Variants in LRRC20 observed in about 807,000 individuals in gnomAD.
LRRC20 encodes leucine rich repeat containing 20, also known as leucine-rich repeat-containing protein 20.
LRRC20 carries 11 observed loss-of-function variants against 14.4 expected under a neutral mutation model. The ratio of observed to expected loss-of-function variants is 0.77; its 90% CI spans 0.48 to 1.27. LRRC20 has a LOEUF of 1.27. LRRC20 is among the 50% of genes most tolerant of loss of function. The pLI is 0.00. For missense variants in LRRC20, 219 were observed against 251.2 expected (o/e 0.87, Z 0.87); for synonymous variants, 121 against 107.3 (o/e 1.13, Z -0.79).
At chr10:70,309,915 C>A (rs1397047634) in intron 4 of LRRC20, among the ~76,000 whole-genome samples, 2 of 152,358 alleles carry the variant, frequency 1.3e-5, no homozygotes, top group East Asian at 3.9e-4. Flanking sequence ...CTAGTGGGAG[C>A]GGCACTGCCG....
intron 2 of LRRC20, among the ~76,000 whole-genome samples, chr10:70,369,258 G>A (rs1382070877): frequency 6.6e-6 from 1 of 152,174 alleles, no homozygotes; most frequent in Non-Finnish European, 1.5e-5. Context: ...GCCTCGCTTA[G>A]TTCTCTCAGC....
chr10:70,302,011 A>T (rs12253314), intron 4 of LRRC20, among the ~76,000 whole-genome samples: 46,305 of 151,922 alleles, frequency 0.3, 7,492 homozygotes, highest in East Asian at 0.49. Context: ...AACATGAATG[A>T]ACCTTGAAAA....
chr10:70,369,387 C>T (rs1844170973), intron 2 of LRRC20, among the ~76,000 whole-genome samples: 1 of 152,142 alleles, frequency 6.6e-6, no homozygotes, highest in Admixed American at 6.5e-5. Flanking sequence ...GCTGTGTCAC[C>T]AGCAGGTCAC....
intron 2 of LRRC20, among the ~76,000 whole-genome samples, chr10:70,363,968 GGT>G (rs910657190): frequency 2.0e-5 from 3 of 152,198 alleles, no homozygotes; most frequent in African/African-American, 7.2e-5. Context: ...TCTCCTCCCT[GGT>G]AAACTCCCAC....
At position 70,348,339 on chromosome 10, in the gene LRRC20, C is replaced by T. The variant is rs545370930; in HGVS notation, c.83-7637G>A. Among the ~76,000 whole-genome samples the T allele has an allele frequency of 2.6e-5, 4 of 152,290 alleles. No homozygotes were observed. In the South Asian group the frequency reaches 6.2e-4, roughly 24 times the overall value. The stretch of plus-strand genomic sequence containing the variant: ...ATCTCCAGAACAGTTCTCCATGGTC[C>T]CGGGACAAGAAAATGGAGATCCAGG... On this transcript the variant is annotated intron_variant, in intron 2 of 4. Coordinates refer to ENST00000446961, the MANE Select transcript of LRRC20 (RefSeq NM_001278212.2).
chr10:70,368,544 G>A (rs1564645674), intron 2 of LRRC20, among the ~76,000 whole-genome samples: 1 of 151,300 alleles, frequency 6.6e-6, no homozygotes, highest in Non-Finnish European at 1.5e-5. Flanking sequence ...CCCACCACAA[G>A]GATTACAGGC....
chr10:70,303,228 C>A (rs1336341700), intron 4 of LRRC20, among the ~76,000 whole-genome samples: 4 of 152,082 alleles, frequency 2.6e-5, no homozygotes, highest in African/African-American at 9.7e-5. Context: ...ATACAGTGGC[C>A]TATGGAAATT....
Position 70,324,027 on chromosome 10 carries a change from A to C in LRRC20, c.236T>G (p.Leu79Arg), listed in dbSNP as rs1842211649. 6.2e-7 allele frequency: 1 copy of C among 1,613,674 alleles called. No individual in the cohort carries two copies. Among genetic ancestry groups the C allele is most frequent in the African/African-American group, 1.3e-5 (1 of 74,888 alleles). ...FMTTFSQLRE[L>R]HLEGNFLHRL... is the part of the protein sequence containing the mutation. ...GTGTAGGAAGTTCCCCTCCAGGTGG[A>C]GCTCTGCCACGTGCAGGGAAGGAGA... The change falls in exon 4 of 5, where the codon CTC (leucine) becomes CGC (arginine). Residue 79 changes from leucine to arginine, a missense_variant. Physicochemically the swap from Leu to Arg is moderately radical, Grantham distance 102 (BLOSUM62 -2). Coordinates refer to ENST00000446961, the MANE Select transcript of LRRC20 (RefSeq NM_001278212.2).
intron 2 of LRRC20, among the ~76,000 whole-genome samples, chr10:70,371,067 T>C (rs1844246521): frequency 6.6e-6 from 1 of 151,306 alleles, no homozygotes; most frequent in South Asian, 2.1e-4. Flanking sequence ...AGAAATAAGA[T>C]TATTCCCTTA....
Position 70,340,562 on chromosome 10 carries a change from G to T in LRRC20, c.223C>A (p.Gln75Lys). Reference protein sequence around the residue: ...LTSKFMTTFSQLRELHLEGNF... With the variant: ...LTSKFMTTFSKLRELHLEGNF... ...GCTGACCAGGGCCTACCTCGGAGCT[G>T]ACTGAATGTGGTCATGAACTTGCTG... Residue 75 changes from glutamine to lysine, a missense_variant, in exon 3 of 5, where the codon CAG becomes AAG. Gln to Lys is a moderately conservative substitution (Grantham distance 53). Transcript: ENST00000446961. 1 of 1,614,168 alleles carries T rather than the reference G, an allele frequency of 6.2e-7. No individual in the cohort carries two copies. Among genetic ancestry groups the T allele is most frequent in the South Asian group, 1.1e-5 (1 of 91,064 alleles).
chr10:70,302,268 G>A (rs1455975176), intron 4 of LRRC20, among the ~76,000 whole-genome samples: 4 of 152,036 alleles, frequency 2.6e-5, no homozygotes, highest in Admixed American at 6.6e-5. Context: ...AGGGGAAATC[G>A]CACCACTGCA....
chr10:70,307,395 C>A (rs544519982), intron 4 of LRRC20, among the ~76,000 whole-genome samples: 2 of 152,342 alleles, frequency 1.3e-5, no homozygotes, highest in South Asian at 4.1e-4. Context: ...TGTGTATATA[C>A]CTCCACTAAC....
chr10:70,375,616 T>C (rs1198728261), intron 2 of LRRC20, among the ~76,000 whole-genome samples: 1 of 152,118 alleles, frequency 6.6e-6, no homozygotes, highest in African/African-American at 2.4e-5. Flanking sequence ...GAAATTCCTC[T>C]CCATGTACCT....
At chr10:70,356,261 A>G (rs1349764326) in intron 2 of LRRC20, among the ~76,000 whole-genome samples, 4 of 152,134 alleles carry the variant, frequency 2.6e-5, no homozygotes, top group African/African-American at 9.7e-5. Flanking sequence ...CCCGTAACCC[A>G]AGCACTTTGG....
chr10:70,357,700 C>T (rs1843581327), intron 2 of LRRC20, among the ~76,000 whole-genome samples: 1 of 152,122 alleles, frequency 6.6e-6, no homozygotes, highest in African/African-American at 2.4e-5. Context: ...GAAAAGAAGC[C>T]CATATTCAAT....
rs1189926034 is a variant in LRRC20, at chr10:70,337,955, C to T, written c.232+2598G>A. Among the ~76,000 whole-genome samples, 4 of 152,062 alleles carry T rather than the reference C, an allele frequency of 2.6e-5. No homozygotes were observed. The East Asian group carries it at 7.7e-4, about 29-fold the overall frequency. ...GTGCCCTTTCTGAGGGCCCGGACAGCCCCACCCTCCATTTTCAATCATTCT... is the reference window on the plus strand; with the variant it reads ...GTGCCCTTTCTGAGGGCCCGGACAGTCCCACCCTCCATTTTCAATCATTCT... On this transcript the variant is annotated intron_variant, in intron 3 of 4. Coordinates refer to ENST00000446961, the MANE Select transcript of LRRC20 (RefSeq NM_001278212.2).
intron 2 of LRRC20, among the ~76,000 whole-genome samples, chr10:70,354,166 GTC>G (rs1198205954): frequency 7.2e-5 from 11 of 152,140 alleles, no homozygotes. Flanking sequence ...TGATGCCTAA[GTC>G]TCTCTCCCAG....
At position 70,307,459 on chromosome 10, in the gene LRRC20, A is replaced by C. The variant is rs116883101; in HGVS notation, c.401-5951T>G. Among the ~76,000 whole-genome samples, 56 of 152,316 alleles carry C rather than the reference A, an allele frequency of 3.7e-4. No individual in the cohort carries two copies. The East Asian group carries it at 0.011, about 29-fold the overall frequency. On this transcript the variant is annotated intron_variant, in intron 4 of 4. Coordinates refer to ENST00000446961, the MANE Select transcript of LRRC20 (RefSeq NM_001278212.2). ...CAGGAGCTTCCTATCCTGCACCCCC[A>C]ACAAAGGCTTTCAAAGAGGCTGCTG...
At chr10:70,303,323 T>G (rs1841288407) in intron 4 of LRRC20, among the ~76,000 whole-genome samples, 2 of 152,168 alleles carry the variant, frequency 1.3e-5, no homozygotes, top group Admixed American at 1.3e-4. Context: ...GACATGACTA[T>G]CTTGGGTCTA....
Sources: allele counts gnomAD v4.1 joint callset (sites outside exome capture counted in the v4.1 genomes callset), GRCh38; gene constraint gnomAD v4.1.1; transcripts MANE v1.5; gene names NCBI Gene and HGNC (gene_info 2026-07-23, HGNC 2026-07-21).